The following CDH19 variants were observed in gnomAD, a reference collection of about 807,000 sequenced individuals.
CDH19 encodes cadherin-19.
Under a neutral mutation model 64.2 loss-of-function variants are expected in CDH19, and 67 were observed. The ratio of observed to expected loss-of-function variants is 1.04; its 90% CI spans 0.86 to 1.28. The LOEUF (loss-of-function observed/expected upper bound fraction) is 1.28. CDH19 is among the 50% of genes most tolerant of loss of function. The probability of loss-of-function intolerance (pLI) is 0.00; values close to 1 mark genes in which losing one functional copy is unlikely to be tolerated. For synonymous variants in CDH19, 346 were observed against 319.3 expected, an observed-to-expected ratio of 1.08 and a Z score of -0.89; for missense variants, 1,030 against 929.0, an observed-to-expected ratio of 1.11 and a Z score of -1.41.
intron 1 of CDH19, among the ~76,000 whole-genome samples, chr18:66,593,661 T>C (rs183200486): frequency 7.9e-5 from 12 of 152,218 alleles, no homozygotes; most frequent in Admixed American, 5.2e-4. Flanking sequence ...GACCACAACA[T>C]AAAGAATAAT....
At chr18:66,530,760 C>T (rs1020685924) in intron 8 of CDH19, among the ~76,000 whole-genome samples, 1 of 152,134 alleles carries the variant, frequency 6.6e-6, no homozygotes, top group East Asian at 1.9e-4. Context: ...ATATTTTATA[C>T]TGGATAATTC....
Position 66,535,000 on chromosome 18 carries a change from G to A in CDH19, c.1322C>T (p.Thr441Ile). The change falls in exon 8 of 12, where the codon ACA becomes ATA. Residue 441 changes from threonine (T) to isoleucine (I), a missense_variant. Thr to Ile is a moderately conservative substitution (Grantham distance 89). Coordinates refer to ENST00000262150, the MANE Select transcript of CDH19 (RefSeq NM_021153.4). Reference sequence around the variant, plus strand: ...TGAGTACTTACATTTTTCTGTGGCTGTAATACTTAGGTTGTACCAAGCACT... The same window carrying A: ...TGAGTACTTACATTTTTCTGTGGCTATAATACTTAGGTTGTACCAAGCACT... ...EISAWYNLSI[T>I]ATEKYNIEQI... 1 of 1,461,508 alleles carries A rather than the reference G, an allele frequency of 6.8e-7. No homozygotes were observed. 90.5% of individuals were successfully genotyped at this position (1,461,508 alleles called of 1,614,324 possible).
intron 2 of CDH19, among the ~76,000 whole-genome samples, chr18:66,571,422 T>C (rs1357615745): frequency 6.6e-6 from 1 of 151,742 alleles, no homozygotes; most frequent in East Asian, 1.9e-4. Flanking sequence ...ATCACCTTTG[T>C]TTAAAGAAAA....
chr18:66,565,882 A>G (rs1323355320), intron 3 of CDH19, among the ~76,000 whole-genome samples: 1 of 152,000 alleles, frequency 6.6e-6, no homozygotes, highest in Non-Finnish European at 1.5e-5. Context: ...TTTCATACAA[A>G]GCCTGGACCC....
At chr18:66,603,054 G>T (rs1007603335) in intron 1 of CDH19, among the ~76,000 whole-genome samples, 46 of 150,716 alleles carry the variant, frequency 3.1e-4, no homozygotes, top group Admixed American at 9.3e-4. Context: ...CTTTCTTACA[G>T]ATATATTAAT....
intron 4 of CDH19, among the ~76,000 whole-genome samples, chr18:66,551,894 C>G (rs1987357724): frequency 6.6e-6 from 1 of 151,882 alleles, no homozygotes; most frequent in Non-Finnish European, 1.5e-5. Context: ...AAGACAGGTT[C>G]ATAAGAGAGG....
chr18:66,578,879 G>A (rs946766890), intron 1 of CDH19, among the ~76,000 whole-genome samples: 5 of 151,868 alleles, frequency 3.3e-5, no homozygotes, highest in Admixed American at 2.6e-4. Context: ...AAACAAGCCT[G>A]CCAACAAATT....
intron 5 of CDH19, among the ~76,000 whole-genome samples, chr18:66,547,661 GTTTTTTTTTTT>G (rs71169155): frequency 1.2e-5 from 1 of 80,146 alleles, no homozygotes; most frequent in Admixed American, 1.7e-4. Context: ...TGTGTGTTAG[GTTTTTTTTTTT>G]TTTTTTTTTT....
intron 10 of CDH19, among the ~76,000 whole-genome samples, chr18:66,511,150 T>TC (rs1201363153): frequency 6.6e-6 from 1 of 151,456 alleles, no homozygotes; most frequent in Admixed American, 6.6e-5. Context: ...TATTCTAAGC[T>TC]CCTAATTGAT....
intron 9 of CDH19, among the ~76,000 whole-genome samples, chr18:66,526,479 T>C (rs929805829): frequency 3.3e-5 from 5 of 152,124 alleles, no homozygotes; most frequent in African/African-American, 9.6e-5. Context: ...TTGTAGATAA[T>C]GGTATTTCAT....
At chr18:66,599,489 T>G (rs1159742979) in intron 1 of CDH19, among the ~76,000 whole-genome samples, 1 of 152,056 alleles carries the variant, frequency 6.6e-6, no homozygotes, top group Non-Finnish European at 1.5e-5. Flanking sequence ...TTAGACAGTG[T>G]GGCGAATACA....
rs150353589 is a variant in CDH19, at chr18:66,509,149, C to A, written c.1674G>T (p.Pro558=). 14 of 1,612,860 alleles carry A rather than the reference C, an allele frequency of 8.7e-6. No homozygotes were observed. In the African/African-American group the frequency reaches 1.3e-4, roughly 15 times the overall value. The change falls in exon 11 of 12, where the codon CCG becomes CCT. Residue 558 remains proline (P), a synonymous_variant. Transcript: ENST00000262150. ...ISILIADNGI[P]SLTSTNTLTI... is the part of the protein sequence containing the mutation. Reference sequence around the variant, plus strand: ...TAAGGGTGTTTGTACTTGTAAGTGACGGGATTCCATTGTCGGCAATTAAGA... The same window carrying A: ...TAAGGGTGTTTGTACTTGTAAGTGAAGGGATTCCATTGTCGGCAATTAAGA...
chr18:66,558,820 T>C (rs1599014169), intron 3 of CDH19, among the ~76,000 whole-genome samples: 1 of 152,102 alleles, frequency 6.6e-6, no homozygotes, highest in African/African-American at 2.4e-5. Context: ...CAACGAATGT[T>C]TAATTCCTAC....
In CDH19 at chr18:66,588,614, C is replaced by CTATCTATA. The variant is rs1555692697; in HGVS notation, c.-113+15339_-113+15340insTATAGATA. On this transcript the variant is annotated intron_variant, in intron 1 of 11. Transcript: ENST00000262150. Reference sequence around the variant, plus strand: ...ACTCATTTTTACTAATCATATATATCTATATCTATATCTATATATATATAG... The same window carrying CTATCTATA: ...ACTCATTTTTACTAATCATATATATCTATCTATATATATCTATATCTATATATATATAG... 3.6e-3 allele frequency among the ~76,000 whole-genome samples: 404 copies of CTATCTATA among 113,686 alleles called. 7 individuals carry two copies. Among genetic ancestry groups the CTATCTATA allele is most frequent in the African/African-American group, 0.011 (386 of 36,752 alleles). 74.6% of individuals were successfully genotyped at this position (113,686 alleles called of 152,430 possible).
chr18:66,572,269 C>T lies in CDH19; in HGVS notation c.-65G>A, dbSNP rs1988131916. On this transcript the variant is annotated 5_prime_UTR_variant, in exon 2 of 12. Coordinates refer to ENST00000262150, the MANE Select transcript of CDH19 (RefSeq NM_021153.4). ...GAAACAGGACGTCACTAACAAAAAT[C>T]TTGCTTTCTTTTATAATCTTTTCTG... 1.5e-6 allele frequency: 2 copies of T among 1,321,928 alleles called. No homozygotes were observed. The highest frequency in any genetic ancestry group is 2.1e-6 in the Non-Finnish European group (2 of 950,846). The allele number at this position is 1,321,928 out of a possible 1,614,324, so 81.9% of individuals were successfully genotyped here.
At chr18:66,549,663 GAT>G (rs1400237125) in intron 5 of CDH19, among the ~76,000 whole-genome samples, 2 of 152,048 alleles carry the variant, frequency 1.3e-5, no homozygotes, top group Non-Finnish European at 2.9e-5. Flanking sequence ...AAAATTGTGA[GAT>G]AGAGCAGAAA....
In CDH19 at chr18:66,599,737, A is replaced by C. The variant is rs75923624; in HGVS notation, c.-113+4217T>G. 3.6e-3 allele frequency among the ~76,000 whole-genome samples: 554 copies of C among 152,176 alleles called. 3 individuals carry two copies. The highest frequency in any genetic ancestry group is 6.0e-3 in the Non-Finnish European group (411 of 67,934). Reference sequence around the variant, plus strand: ...AAAACATCCTATAAACAGATTAATAAATTGTTTTAACATTAATGGCATGAA... The same window carrying C: ...AAAACATCCTATAAACAGATTAATACATTGTTTTAACATTAATGGCATGAA... On this transcript the variant is annotated intron_variant, in intron 1 of 11. Coordinates refer to ENST00000262150, the MANE Select transcript of CDH19 (RefSeq NM_021153.4).
chr18:66,570,841 T>C (rs958582322), intron 2 of CDH19, among the ~76,000 whole-genome samples: 1 of 151,560 alleles, frequency 6.6e-6, no homozygotes, highest in Non-Finnish European at 1.5e-5. Flanking sequence ...TGTGTTCCAA[T>C]TACACTGATG....
intron 9 of CDH19, among the ~76,000 whole-genome samples, chr18:66,529,437 T>C (rs1285149223): frequency 7.3e-5 from 11 of 151,214 alleles, no homozygotes; most frequent in South Asian, 2.1e-4. Context: ...AAAAGTAAAC[T>C]ACTGAATCAC....
Sources: gnomAD v4.1 joint callset for allele counts (sites outside exome capture counted in the v4.1 genomes callset) on GRCh38, gnomAD v4.1.1 for gene constraint, MANE v1.5 for transcripts, NCBI Gene and HGNC (gene_info 2026-07-23, HGNC 2026-07-21) for gene names.